ATXN10: variants seen among roughly 807,000 people sequenced by gnomAD.
ATXN10 encodes ataxin 10, also known as ataxin-10.
A neutral mutation model predicts 52.9 loss-of-function variants in ATXN10; 28 were observed. The observed-to-expected ratio is 0.53, with a 90% CI of 0.39 to 0.73. The LOEUF (loss-of-function observed/expected upper bound fraction) is 0.73, where lower values mean the gene tolerates loss of function less well. Ranked by LOEUF, ATXN10 falls within the 30% of genes least tolerant of loss-of-function variation. ATXN10 has a pLI of 0.00. For missense variants in ATXN10, 565 were observed against 577.0 expected, an observed-to-expected ratio of 0.98 and a Z score of 0.21; for synonymous variants, 226 against 221.5, an observed-to-expected ratio of 1.02 and a Z score of -0.18.
rs966552734 is a variant in ATXN10 at position 45,774,808 on chromosome 22, C to T, written c.1174-32151C>T. On this transcript the variant is annotated intron_variant, in intron 9 of 11. Coordinates refer to ENST00000252934, the MANE Select transcript of ATXN10 (RefSeq NM_013236.4). This position sits in a 1 kb window ranked among gnomAD's most constrained non-coding sequence, Gnocchi z 6.2. ...ATTAGCTGAGTGTGGTGGCACGCGC[C>T]TGTAATCCCAGTTACTGGGGAGGCT... is the stretch of plus-strand genomic sequence containing the variant. 5.3e-5 allele frequency among the ~76,000 whole-genome samples: 8 copies of T among 152,170 alleles called. No homozygotes were observed. Among genetic ancestry groups the T allele is most frequent in the Admixed American group, 5.2e-4 (8 of 15,290 alleles).
chr22:45,800,944 A>T (rs775879418), intron 9 of ATXN10, among the ~76,000 whole-genome samples: 3 of 152,242 alleles, frequency 2.0e-5, no homozygotes, highest in African/African-American at 4.8e-5. Flanking sequence ...TTTGGGGGTG[A>T]TGGAAACATC....
chr22:45,803,840 A>G (rs1928010475), intron 9 of ATXN10, among the ~76,000 whole-genome samples: 1 of 152,038 alleles, frequency 6.6e-6, no homozygotes, highest in African/African-American at 2.4e-5. Flanking sequence ...ATACAGTCTC[A>G]GGTGGGGTCA....
intron 3 of ATXN10, among the ~76,000 whole-genome samples, chr22:45,694,964 A>C (rs989838071): frequency 4.7e-5 from 7 of 150,228 alleles, no homozygotes; most frequent in Non-Finnish European, 7.4e-5. Context: ...AAAAAAAAAA[A>C]AACAAAACCC....
intron 7 of ATXN10, chr22:45,734,566 A>C (rs1925217011): frequency 1.3e-5 from 2 of 152,190 alleles, no homozygotes; most frequent in Non-Finnish European, 2.9e-5. Flanking sequence ...ACAGCCAAGA[A>C]GATTTTTGTT....
intron 9 of ATXN10, among the ~76,000 whole-genome samples, chr22:45,782,566 C>T (rs1927186038): frequency 6.6e-6 from 1 of 152,050 alleles, no homozygotes; most frequent in Non-Finnish European, 1.5e-5. Flanking sequence ...CAGAAGTGGC[C>T]AAAGTAATGT....
chr22:45,811,654 A>C (rs1280293303), intron 10 of ATXN10: 10 of 463,704 alleles, frequency 2.2e-5, no homozygotes, highest in Non-Finnish European at 4.5e-5. Context: ...ATGTGAGTAC[A>C]TTCTGTGATG....
chr22:45,751,044 C>T (rs1054534684), intron 9 of ATXN10, among the ~76,000 whole-genome samples: 4 of 152,078 alleles, frequency 2.6e-5, no homozygotes, highest in African/African-American at 9.7e-5. Flanking sequence ...GATTCTCCTG[C>T]CTCAGCCTCC....
At chr22:45,748,313 A>G (rs539360852) in intron 9 of ATXN10, among the ~76,000 whole-genome samples, 1 of 152,254 alleles carries the variant, frequency 6.6e-6, no homozygotes, top group Admixed American at 6.5e-5. Flanking sequence ...TCCCCATTAT[A>G]TGTATTTACA....
At chr22:45,699,049 T>A (rs1923731383) in intron 3 of ATXN10, among the ~76,000 whole-genome samples, 3 of 152,206 alleles carry the variant, frequency 2.0e-5, no homozygotes. Flanking sequence ...AGGGAATAAT[T>A]GCAGTGGTAT....
At chr22:45,682,910 G>T (rs527350254) in intron 1 of ATXN10, among the ~76,000 whole-genome samples, 1 of 152,118 alleles carries the variant, frequency 6.6e-6, no homozygotes, top group Non-Finnish European at 1.5e-5. Flanking sequence ...TCCAAAAACA[G>T]CCCCCTAACT....
At chr22:45,803,066 T>C (rs907258599) in intron 9 of ATXN10, among the ~76,000 whole-genome samples, 2 of 152,244 alleles carry the variant, frequency 1.3e-5, no homozygotes, top group African/African-American at 4.8e-5. Flanking sequence ...TGTCACCAAC[T>C]ACTGCTATCA....
intron 9 of ATXN10, among the ~76,000 whole-genome samples, chr22:45,776,359 T>A (rs1926954615): frequency 6.6e-6 from 1 of 152,200 alleles, no homozygotes; most frequent in Non-Finnish European, 1.5e-5. Flanking sequence ...AAAACGAAGA[T>A]GATCATGTCT....
Position 45,701,838 on chromosome 22 carries a change from TCAGTCAGAGAAGTCTTAA to T in ATXN10, c.489-846_489-829del, listed in dbSNP as rs527399271. 7.7e-4 allele frequency among the ~76,000 whole-genome samples: 118 copies of T among 152,322 alleles called. No individual in the cohort carries two copies. Among genetic ancestry groups the T allele is most frequent in the African/African-American group, 2.8e-3 (117 of 41,576 alleles). The stretch of plus-strand genomic sequence containing the variant: ...AACAAGGGAGAGGCTTAAGTGTAGG[TCAGTCAGAGAAGTCTTAA>T]CAGTTTACATGTTGCTTTTAGATGA... On this transcript the variant is annotated intron_variant, in intron 4 of 11. Coordinates refer to ENST00000252934, the MANE Select transcript of ATXN10 (RefSeq NM_013236.4). This position sits in a 1 kb window ranked among gnomAD's most constrained non-coding sequence, Gnocchi z 4.2.
rs757135643 is a variant in ATXN10 at position 45,692,948 on chromosome 22, A to G, written c.309-48A>G. On this transcript the variant is annotated intron_variant, in intron 2 of 11. Coordinates refer to ENST00000252934, the MANE Select transcript of ATXN10 (RefSeq NM_013236.4). ...TAGTGCAAAAACAGCCATAGACAAT[A>G]TATGAATGAATGAACATGTCTAATT... The G allele has an allele frequency of 1.0e-5, 15 of 1,495,500 alleles. No homozygotes were observed. In the Admixed American group the frequency reaches 1.5e-4, roughly 15 times the overall value. 92.6% of individuals were successfully genotyped at this position (1,495,500 alleles called of 1,614,324 possible).
At chr22:45,764,904 G>A (rs1926529496) in intron 9 of ATXN10, among the ~76,000 whole-genome samples, 1 of 152,118 alleles carries the variant, frequency 6.6e-6, no homozygotes, top group South Asian at 2.1e-4. Flanking sequence ...TTGTTGTGAG[G>A]TTTTTATTCT....
intron 1 of ATXN10, chr22:45,673,916 G>A (rs1922577542): frequency 6.6e-6 from 1 of 152,188 alleles, no homozygotes; most frequent in Non-Finnish European, 1.5e-5. Flanking sequence ...TCAGACATCA[G>A]TTCCCTTTTT....
At chr22:45,694,286 T>C (rs1209791521) in intron 3 of ATXN10, among the ~76,000 whole-genome samples, 1 of 152,168 alleles carries the variant, frequency 6.6e-6, no homozygotes, top group African/African-American at 2.4e-5. Context: ...AAAACGTAGA[T>C]TTTTAATTTA....
At position 45,696,546 on chromosome 22, in the gene ATXN10, GC is replaced by G. The variant is rs1222920682; in HGVS notation, c.391+3469del. On this transcript the variant is annotated intron_variant, in intron 3 of 11. Coordinates refer to ENST00000252934, the MANE Select transcript of ATXN10 (RefSeq NM_013236.4). This position sits in a 1 kb window ranked among gnomAD's most constrained non-coding sequence, Gnocchi z 4.7. ...CTGGATTTCATCGCCACTTGCCCAC[GC>G]AGAAGCTTTTCTCCTGAAATTATCC... Among the ~76,000 whole-genome samples, 1 of 152,188 alleles carries G rather than the reference GC, an allele frequency of 6.6e-6. No homozygotes were observed. The highest frequency in any genetic ancestry group is 1.5e-5 in the Non-Finnish European group (1 of 68,034).
Position 45,826,299 on chromosome 22 carries a change from G to T in ATXN10, c.1238-16692G>T, listed in dbSNP as rs970665184. 6.6e-6 allele frequency among the ~76,000 whole-genome samples: 1 copy of T among 152,126 alleles called. No homozygotes were observed. The highest frequency in any genetic ancestry group is 2.4e-5 in the African/African-American group (1 of 41,414). On this transcript the variant is annotated intron_variant, in intron 10 of 11. Transcript: ENST00000252934. This position sits in a 1 kb window ranked among gnomAD's most constrained non-coding sequence, Gnocchi z 5.0. ...TTGTAGAAAAGTGAACAGAGCCTAA[G>T]GGATATGTGGAACACCATCAAGCCA...
Sources: gnomAD v4.1 joint callset for allele counts (sites outside exome capture counted in the v4.1 genomes callset) on GRCh38, gnomAD v4.1.1 for gene constraint, Gnocchi (gnomAD v3.1) non-coding constraint, MANE v1.5 for transcripts, NCBI Gene and HGNC (gene_info 2026-07-23, HGNC 2026-07-21) for gene names.